The following PTPRG variants were observed in gnomAD, a reference collection of about 807,000 sequenced individuals.
PTPRG encodes the protein receptor-type tyrosine-protein phosphatase gamma.
A neutral mutation model predicts 165.3 loss-of-function variants in PTPRG; 102 were observed. The ratio of observed to expected loss-of-function variants is 0.62; its 90% CI spans 0.53 to 0.73. PTPRG has a LOEUF of 0.73. Among genes scored for constraint, PTPRG ranks in the 30% least tolerant of loss-of-function variants. The pLI is 0.00. For missense variants in PTPRG, 1,866 were observed against 1,861.4 expected, an observed-to-expected ratio of 1.00 and a Z score of -0.05; for synonymous variants, 675 against 669.5, an observed-to-expected ratio of 1.01 and a Z score of -0.13.
chr3:61,658,237 C>T (rs1290102813), intron 1 of PTPRG, among the ~76,000 whole-genome samples: 2 of 152,198 alleles, frequency 1.3e-5, no homozygotes, highest in Admixed American at 1.3e-4. Context: ...TGCAAGCAGG[C>T]ACCCGGTGCC....
chr3:62,261,180 C>T (rs1427456894), intron 16 of PTPRG: 6 of 152,156 alleles, frequency 3.9e-5, no homozygotes, highest in African/African-American at 1.4e-4. Context: ...CATAAGATAC[C>T]TGAACAACTC....
chr3:62,231,127 T>G, intron 13 of PTPRG, 98 bp from the exon 14 acceptor site: 4 of 861,356 alleles, frequency 4.6e-6, no homozygotes, highest in East Asian at 3.1e-5. Context: ...GGTCTGTCTG[T>G]GTTAGATGGG....
At chr3:62,231,489 C>T (rs535504849) in intron 14 of PTPRG, among the ~76,000 whole-genome samples, 178 bp downstream of exon 14, 1 of 152,216 alleles carries the variant, frequency 6.6e-6, no homozygotes, top group South Asian at 2.1e-4. Flanking sequence ...TTGTGGGTAG[C>T]TGGTACCAAT....
chr3:61,999,943 G>A (rs1275567385), intron 3 of PTPRG, among the ~76,000 whole-genome samples: 3 of 151,958 alleles, frequency 2.0e-5, no homozygotes, highest in East Asian at 3.9e-4. Context: ...ATTCAGAAAA[G>A]GCAGTATCTT....
intron 5 of PTPRG, among the ~76,000 whole-genome samples, chr3:62,104,219 A>G (rs1576007332): frequency 6.6e-6 from 1 of 152,154 alleles, no homozygotes; most frequent in Admixed American, 6.5e-5. Flanking sequence ...CTATTATGGT[A>G]CTATTTTATA....
chr3:61,587,922 G>A (rs534762593), intron 1 of PTPRG, among the ~76,000 whole-genome samples: 1 of 150,486 alleles, frequency 6.6e-6, no homozygotes, highest in African/African-American at 2.4e-5. Context: ...GCCTCACAAA[G>A]TGTTGGAATT....
At position 62,069,286 on chromosome 3, in the gene PTPRG, T is replaced by C. The variant is rs1432229920; in HGVS notation, c.520-8877T>C. ...TTTCACAGAAGGGGACACTGGGCCT[T>C]AGAAATCTCCAGGCTCTTCAATATA... On this transcript the variant is annotated intron_variant, in intron 4 of 29. Transcript: ENST00000474889. 2.6e-5 allele frequency among the ~76,000 whole-genome samples: 4 copies of C among 152,174 alleles called. No individual in the cohort carries two copies. The South Asian group carries it at 8.3e-4, about 32-fold the overall frequency.
At chr3:61,793,221 G>T (rs2034941087) in intron 2 of PTPRG, among the ~76,000 whole-genome samples, 2 of 152,102 alleles carry the variant, frequency 1.3e-5, no homozygotes, top group Non-Finnish European at 2.9e-5. Flanking sequence ...GACCAGAATG[G>T]GAGTGGACCA....
At chr3:62,038,391 C>CTTTATT (rs1032872693) in intron 4 of PTPRG, among the ~76,000 whole-genome samples, 1 of 151,984 alleles carries the variant, frequency 6.6e-6, no homozygotes, top group Non-Finnish European at 1.5e-5. Flanking sequence ...ATGCTTTTTT[C>CTTTATT]TTTATTTTTA....
At chr3:62,148,673 G>A (rs1045873445) in intron 6 of PTPRG, among the ~76,000 whole-genome samples, 3 of 152,070 alleles carry the variant, frequency 2.0e-5, no homozygotes, top group Non-Finnish European at 4.4e-5. Context: ...TGAGGCAGAC[G>A]ATCACTTGAA....
intron 12 of PTPRG, among the ~76,000 whole-genome samples, chr3:62,208,995 C>A (rs746597303): frequency 1.1e-4 from 16 of 152,346 alleles, no homozygotes; most frequent in Non-Finnish European, 2.4e-4. Flanking sequence ...TGGGCTCTGA[C>A]TCTATAGTCC....
rs114729840 is a variant in PTPRG, at chr3:61,704,521, T to C, written c.86-44357T>C. Among the ~76,000 whole-genome samples the C allele has an allele frequency of 3.9e-3, 600 of 152,150 alleles. 7 individuals are homozygous for C. Among genetic ancestry groups the C allele is most frequent in the African/African-American group, 0.014 (572 of 41,502 alleles). ...TGTTCACTAGATAGCTCCAGTGTGG[T>C]AATAAAAAATGTCTCCAGGTATTGC... On this transcript the variant is annotated intron_variant, in intron 1 of 29. Coordinates refer to ENST00000474889, the MANE Select transcript of PTPRG (RefSeq NM_002841.4).
At chr3:62,047,434 G>A (rs1221510226) in intron 4 of PTPRG, among the ~76,000 whole-genome samples, 1 of 151,932 alleles carries the variant, frequency 6.6e-6, no homozygotes, top group East Asian at 1.9e-4. Context: ...TAATTTTTTT[G>A]TATTTTTAGT....
At chr3:61,873,453 G>A (rs1055774665) in intron 2 of PTPRG, among the ~76,000 whole-genome samples, 1 of 152,068 alleles carries the variant, frequency 6.6e-6, no homozygotes, top group Non-Finnish European at 1.5e-5. Context: ...TATAGACATA[G>A]CAAAATACGG....
At chr3:61,697,968 C>T (rs1199867855) in intron 1 of PTPRG, among the ~76,000 whole-genome samples, 2 of 152,162 alleles carry the variant, frequency 1.3e-5, no homozygotes, top group African/African-American at 4.8e-5. Context: ...CTAATTTCCC[C>T]TGCGTTTATT....
chr3:62,200,893 A>G (rs1700082553), intron 10 of PTPRG, among the ~76,000 whole-genome samples: 1 of 152,238 alleles, frequency 6.6e-6, no homozygotes, highest in Non-Finnish European at 1.5e-5. Context: ...AACAGTAATA[A>G]GTTAAGGATG....
chr3:61,598,319 C>G (rs955810273), intron 1 of PTPRG, among the ~76,000 whole-genome samples: 2 of 152,078 alleles, frequency 1.3e-5, no homozygotes, highest in African/African-American at 4.8e-5. Context: ...AAGGAGTGGG[C>G]CAAGAAAGTA....
intron 2 of PTPRG, among the ~76,000 whole-genome samples, chr3:61,907,254 G>A (rs943634289): frequency 2.0e-5 from 3 of 152,006 alleles, no homozygotes; most frequent in African/African-American, 4.8e-5. Flanking sequence ...AAGCTCGAGG[G>A]TGACTCTCAA....
intron 2 of PTPRG, among the ~76,000 whole-genome samples, chr3:61,915,815 T>A (rs2038922183): frequency 6.6e-6 from 1 of 152,226 alleles, no homozygotes. Flanking sequence ...TAATATCACT[T>A]GATTTAAAGT....
Sources: allele counts gnomAD v4.1 joint callset (sites outside exome capture counted in the v4.1 genomes callset), GRCh38; gene constraint gnomAD v4.1.1; transcripts MANE v1.5; gene names NCBI Gene and HGNC (gene_info 2026-07-23, HGNC 2026-07-21).